DOCK10: variants seen among roughly 807,000 people sequenced by gnomAD.
DOCK10 encodes dedicator of cytokinesis 10.
Under a neutral mutation model 280.1 loss-of-function variants are expected in DOCK10, and 145 were observed. The ratio of observed to expected loss-of-function variants is 0.52; its 90% CI spans 0.45 to 0.59. The LOEUF (loss-of-function observed/expected upper bound fraction) is 0.59, where lower values mean the gene tolerates loss of function less well. Among genes scored for constraint, DOCK10 ranks in the 20% least tolerant of loss-of-function variants. The pLI, the probability that DOCK10 is intolerant of heterozygous loss-of-function variation, is 0.00. For synonymous variants in DOCK10, 915 were observed against 942.2 expected (o/e 0.97, Z 0.53); for missense variants, 2,368 against 2,651.7 (o/e 0.89, Z 2.35).
chr2:224,877,566 TGAA>T (rs1179223873), intron 7 of DOCK10, among the ~76,000 whole-genome samples: 3 of 147,380 alleles, frequency 2.0e-5, no homozygotes, highest in African/African-American at 7.3e-5. Flanking sequence ...AACAAACAAT[TGAA>T]AAACAAAGGT....
At chr2:224,910,451 T>C (rs1290642637) in intron 3 of DOCK10, among the ~76,000 whole-genome samples, 1 of 152,184 alleles carries the variant, frequency 6.6e-6, no homozygotes, top group Non-Finnish European at 1.5e-5. Context: ...GGGACGGAGC[T>C]GGTGGCATGT....
At chr2:224,959,992 G>T (rs1704269948) in intron 1 of DOCK10, among the ~76,000 whole-genome samples, 1 of 152,026 alleles carries the variant, frequency 6.6e-6, no homozygotes, top group South Asian at 2.1e-4. Flanking sequence ...ATTTTCCTAT[G>T]GGGAACACCT....
chr2:224,811,046 T>C (rs58993949), intron 31 of DOCK10, among the ~76,000 whole-genome samples: 39,694 of 151,966 alleles, frequency 0.26, 8,353 homozygotes, highest in African/African-American at 0.59. Flanking sequence ...TCGAGATCCC[T>C]GAGGAATCGC....
intron 1 of DOCK10, among the ~76,000 whole-genome samples, chr2:224,937,705 C>T (rs1702768537): frequency 6.6e-6 from 1 of 152,126 alleles, no homozygotes; most frequent in South Asian, 2.1e-4. Context: ...ATGAAAGTGA[C>T]TTTGAAATTC....
intron 1 of DOCK10, among the ~76,000 whole-genome samples, chr2:224,958,476 C>T (rs1704183080): frequency 6.6e-6 from 1 of 152,258 alleles, no homozygotes; most frequent in South Asian, 2.1e-4. Context: ...CTCTCTTCCC[C>T]TGCACACTCA....
At chr2:224,979,746 C>T (rs1046050201) in intron 1 of DOCK10, among the ~76,000 whole-genome samples, 7 of 152,210 alleles carry the variant, frequency 4.6e-5, no homozygotes, top group Admixed American at 1.3e-4. Context: ...CCCTATTGAA[C>T]GTCTTACCGT....
intron 3 of DOCK10, among the ~76,000 whole-genome samples, chr2:224,901,178 T>G (rs1700276752): frequency 6.6e-6 from 1 of 152,240 alleles, no homozygotes; most frequent in Non-Finnish European, 1.5e-5. Flanking sequence ...CATTAAAAAC[T>G]ATTATAATTA....
chr2:224,875,783 T>C (rs1698589763), intron 8 of DOCK10, among the ~76,000 whole-genome samples: 1 of 152,222 alleles, frequency 6.6e-6, no homozygotes, highest in South Asian at 2.1e-4. Context: ...TTTTGGATGC[T>C]GTGACAAATG....
intron 1 of DOCK10, among the ~76,000 whole-genome samples, chr2:225,027,730 T>C (rs1344013769): frequency 6.6e-6 from 1 of 152,184 alleles, no homozygotes; most frequent in African/African-American, 2.4e-5. Flanking sequence ...GCTTCCTGTA[T>C]AGCCTGTGGA....
At chr2:224,894,515 A>C (rs1208528156) in intron 4 of DOCK10, among the ~76,000 whole-genome samples, 2 of 152,330 alleles carry the variant, frequency 1.3e-5, no homozygotes, top group East Asian at 3.9e-4. Flanking sequence ...AGAAAGAGGA[A>C]GTCCTGATGT....
At chr2:224,867,066 G>A (rs1024449336) in intron 11 of DOCK10, among the ~76,000 whole-genome samples, 4 of 137,980 alleles carry the variant, frequency 2.9e-5, no homozygotes, top group Admixed American at 1.4e-4. Flanking sequence ...ATCATACAGA[G>A]CTAAGAAATA....
chr2:224,965,459 T>C (rs548223971), intron 1 of DOCK10, among the ~76,000 whole-genome samples: 96 of 152,356 alleles, frequency 6.3e-4, no homozygotes, highest in Admixed American at 2.0e-3. Context: ...ATATAGGCTA[T>C]GATACAATCC....
At chr2:224,893,525 T>G in intron 4 of DOCK10, 1 of 273,888 alleles carries the variant, frequency 3.7e-6, no homozygotes, top group East Asian at 1.3e-4. Flanking sequence ...ATCATATATT[T>G]TTATGCTGCT....
chr2:224,816,586 G>A, intron 30 of DOCK10, 31 bp downstream of exon 30: 1 of 1,248,626 alleles, frequency 8.0e-7, no homozygotes. Flanking sequence ...CACTTTGCAG[G>A]AACTGAGGAA....
At chr2:224,979,504 C>T (rs1705633211) in intron 1 of DOCK10, among the ~76,000 whole-genome samples, 1 of 152,214 alleles carries the variant, frequency 6.6e-6, no homozygotes, top group South Asian at 2.1e-4. Flanking sequence ...GATCTGACCC[C>T]ATTGCCTCCC....
chr2:224,979,219 A>C (rs1435290094), intron 1 of DOCK10, among the ~76,000 whole-genome samples: 1 of 152,162 alleles, frequency 6.6e-6, no homozygotes, highest in East Asian at 1.9e-4. Context: ...CAGTGTTTTA[A>C]GCAATTTGCA....
At chr2:224,952,636 A>G (rs1575107836) in intron 1 of DOCK10, among the ~76,000 whole-genome samples, 1 of 145,258 alleles carries the variant, frequency 6.9e-6, no homozygotes, top group African/African-American at 2.6e-5. Context: ...TCTGTCGCCC[A>G]GGCTGGAGTG....
intron 31 of DOCK10, among the ~76,000 whole-genome samples, chr2:224,813,276 A>G (rs987469590): frequency 1.2e-4 from 18 of 152,100 alleles, no homozygotes; most frequent in Admixed American, 1.0e-3. Context: ...GCTCACTGTA[A>G]CCTCTGCCTC....
chr2:224,832,417 A>C (rs1695297324), intron 26 of DOCK10, among the ~76,000 whole-genome samples: 1 of 152,218 alleles, frequency 6.6e-6, no homozygotes, highest in African/African-American at 2.4e-5. Context: ...GTCAATGGGC[A>C]TTTGGATTAT....
Sources: gnomAD v4.1 joint callset for allele counts (sites outside exome capture counted in the v4.1 genomes callset) on GRCh38, gnomAD v4.1.1 for gene constraint, MANE v1.5 for transcripts, NCBI Gene and HGNC (gene_info 2026-07-23, HGNC 2026-07-21) for gene names.